Variants in TM9SF4 observed in about 807,000 individuals in gnomAD.
The protein encoded by TM9SF4 is transmembrane 9 superfamily member 4, also known as dinucleotide oxidase disulfide thiol exchanger 3 superfamily member 4.
A neutral mutation model predicts 90.4 loss-of-function variants in TM9SF4; 26 were observed. The ratio of observed to expected loss-of-function variants is 0.29; its 90% CI spans 0.21 to 0.40. TM9SF4 has a LOEUF of 0.40. Among genes scored for constraint, TM9SF4 ranks in the 10% least tolerant of loss-of-function variants. TM9SF4 has a pLI of 1.00. For synonymous variants in TM9SF4, 293 were observed against 315.4 expected (o/e 0.93, Z 0.75); for missense variants, 549 against 834.8 (o/e 0.66, Z 4.22).
In TM9SF4 at chr20:32,155,204, C is replaced by T. The variant is rs751542255; in HGVS notation, c.1329+18C>T. On this transcript the variant is annotated intron_variant, in intron 13 of 17. Coordinates refer to ENST00000398022, the MANE Select transcript of TM9SF4 (RefSeq NM_014742.4). Reference sequence around the variant, plus strand: ...CAGGAGCGGTAAGTGCCTCCCCTACCCTTCCAGCCCCTCCCCAGCAAGCGA... The same window carrying T: ...CAGGAGCGGTAAGTGCCTCCCCTACTCTTCCAGCCCCTCCCCAGCAAGCGA... 2 of 1,598,638 alleles carry T rather than the reference C, an allele frequency of 1.3e-6. No individual in the cohort carries two copies. The highest frequency in any genetic ancestry group is 1.1e-5 in the South Asian group (1 of 90,810).
intron 3 of TM9SF4, among the ~76,000 whole-genome samples, chr20:32,139,667 GA>G (rs2046643197): frequency 2.0e-5 from 3 of 152,232 alleles, no homozygotes; most frequent in Non-Finnish European, 2.9e-5. Context: ...ACCCCTGTTA[GA>G]AACCTTCATT....
chr20:32,162,627 C>T (rs1406249846), intron 17 of TM9SF4, among the ~76,000 whole-genome samples: 1 of 152,204 alleles, frequency 6.6e-6, no homozygotes, highest in Non-Finnish European at 1.5e-5. Context: ...TGCTCTACTA[C>T]ATCCAGCAAC....
intron 3 of TM9SF4, among the ~76,000 whole-genome samples, chr20:32,141,030 A>G (rs2046667182): frequency 6.6e-6 from 1 of 151,960 alleles, no homozygotes; most frequent in South Asian, 2.1e-4. Flanking sequence ...ATCCTGGCTA[A>G]CAGGGTGAAA....
At chr20:32,132,716 T>C (rs2046538185) in intron 1 of TM9SF4, among the ~76,000 whole-genome samples, 1 of 152,222 alleles carries the variant, frequency 6.6e-6, no homozygotes, top group African/African-American at 2.4e-5. Context: ...TTACACACTA[T>C]AAATGGTTAA....
intron 1 of TM9SF4, among the ~76,000 whole-genome samples, chr20:32,121,728 A>G (rs2046311221): frequency 6.6e-6 from 1 of 151,960 alleles, no homozygotes; most frequent in Admixed American, 6.5e-5. Flanking sequence ...CACACCTCCC[A>G]GACGGGGTGG....
chr20:32,152,889 G>A (rs2046863501), intron 12 of TM9SF4, among the ~76,000 whole-genome samples: 1 of 152,192 alleles, frequency 6.6e-6, no homozygotes, highest in South Asian at 2.1e-4. Flanking sequence ...TCTACATAGG[G>A]GTCTGCCTTT....
intron 1 of TM9SF4, among the ~76,000 whole-genome samples, chr20:32,116,862 C>CTTTTTTTTTTTT (rs201365030): frequency 3.1e-4 from 30 of 95,880 alleles, no homozygotes; most frequent in Non-Finnish European, 4.2e-4. Context: ...TTTCCTTTTT[C>CTTTTTTTTTTTT]TTTTTTTTTT....
intron 10 of TM9SF4, 77 bp from the exon 11 acceptor site, chr20:32,150,545 G>C (rs1482854359): frequency 1.3e-6 from 2 of 1,575,384 alleles, no homozygotes; most frequent in Non-Finnish European, 1.7e-6. Context: ...GTGGGCCTGG[G>C]GCTGGGGCTG....
At chr20:32,127,319 C>T (rs926902521) in intron 1 of TM9SF4, among the ~76,000 whole-genome samples, 1 of 152,142 alleles carries the variant, frequency 6.6e-6, no homozygotes, top group African/African-American at 2.4e-5. Flanking sequence ...ATTTGTAATG[C>T]AATTCATCTG....
At chr20:32,161,146 T>C in intron 16 of TM9SF4, 130 bp from the exon 17 acceptor site, 1 of 699,212 alleles carries the variant, frequency 1.4e-6, no homozygotes, top group Non-Finnish European at 2.5e-6. Flanking sequence ...ACAGTCAAGC[T>C]GTGAAACATT....
chr20:32,154,972 T>A (rs1569101904), intron 12 of TM9SF4, 131 bp from the exon 13 acceptor site: 1 of 714,518 alleles, frequency 1.4e-6, no homozygotes, highest in African/African-American at 1.7e-5. Flanking sequence ...GAATACTTTC[T>A]GGAAGGAATG....
intron 3 of TM9SF4, chr20:32,137,018 G>A: frequency 2.1e-6 from 1 of 465,316 alleles, no homozygotes; most frequent in Non-Finnish European, 4.4e-6. Context: ...TCCTGGACCA[G>A]TTGGAGGCAG....
At chr20:32,164,207 A>C (rs4911554) in intron 17 of TM9SF4, among the ~76,000 whole-genome samples, 48 of 140,776 alleles carry the variant, frequency 3.4e-4, no homozygotes, top group African/African-American at 5.3e-4. Context: ...TCCCCCGACC[A>C]CCAGCCACAA....
At chr20:32,149,556 G>C in intron 9 of TM9SF4, 78 bp from the exon 10 acceptor site, 1 of 1,602,068 alleles carries the variant, frequency 6.2e-7, no homozygotes, top group Non-Finnish European at 8.5e-7. Flanking sequence ...GAGGGTGTCA[G>C]CTGTCACCTT....
intron 16 of TM9SF4, among the ~76,000 whole-genome samples, chr20:32,160,781 G>A (rs1212655752): frequency 6.6e-6 from 1 of 151,424 alleles, no homozygotes; most frequent in African/African-American, 2.4e-5. Flanking sequence ...AAACCCCATC[G>A]CTACTAAAAA....
intron 12 of TM9SF4, 141 bp downstream of exon 12, chr20:32,151,016 GGTC>G: frequency 1.0e-6 from 1 of 1,003,890 alleles, no homozygotes; most frequent in Non-Finnish European, 1.5e-6. Context: ...GAGCAGCACA[GGTC>G]CAAGGGCAGG....
At chr20:32,163,291 ATATATG>A (rs1330682728) in intron 17 of TM9SF4, among the ~76,000 whole-genome samples, 6,788 of 66,650 alleles carry the variant, frequency 0.1, 245 homozygotes, top group East Asian at 0.28. Flanking sequence ...ATATATATAT[ATATATG>A]TATGTATGTA....
intron 12 of TM9SF4, among the ~76,000 whole-genome samples, chr20:32,154,229 A>C (rs914757401): frequency 2.6e-5 from 4 of 151,684 alleles, no homozygotes; most frequent in Admixed American, 1.3e-4. Flanking sequence ...GCTCACTGCA[A>C]CCTCTGCCTC....
chr20:32,161,616 C>A (rs919738168), intron 17 of TM9SF4, among the ~76,000 whole-genome samples: 1 of 152,116 alleles, frequency 6.6e-6, no homozygotes, highest in Non-Finnish European at 1.5e-5. Context: ...GTAAAACTTA[C>A]GAGGTATAGC....
Sources: gnomAD v4.1 joint callset for allele counts (sites outside exome capture counted in the v4.1 genomes callset) on GRCh38, gnomAD v4.1.1 for gene constraint, MANE v1.5 for transcripts, NCBI Gene and HGNC (gene_info 2026-07-23, HGNC 2026-07-21) for gene names.